ABCB5: variants seen among roughly 807,000 people sequenced by gnomAD.
The protein encoded by ABCB5 is ATP binding cassette subfamily B member 5.
In ABCB5, 155 loss-of-function variants were observed where a neutral mutation model predicts 144.2. The ratio of observed to expected loss-of-function variants is 1.08; its 90% CI spans 0.94 to 1.23. ABCB5 has a LOEUF of 1.23. Among genes scored for constraint, ABCB5 ranks in the 50% most tolerant of loss-of-function variants. The probability of loss-of-function intolerance (pLI) is 0.00; values close to 1 mark genes in which losing one functional copy is unlikely to be tolerated. For missense variants in ABCB5, 1,830 were observed against 1,520.8 expected, an observed-to-expected ratio of 1.20 and a Z score of -3.38; for synonymous variants, 610 against 528.6, an observed-to-expected ratio of 1.15 and a Z score of -2.11.
At chr7:20,711,849 CTTTCTTTCTTT>C (rs1787072698) in intron 20 of ABCB5, among the ~76,000 whole-genome samples, 1 of 60,734 alleles carries the variant, frequency 1.6e-5, no homozygotes, top group African/African-American at 6.7e-5. Flanking sequence ...TCTTTCTTTT[CTTTCTTTCTTT>C]CCTTCCTCCC....
intron 27 of ABCB5, among the ~76,000 whole-genome samples, chr7:20,754,947 A>G (rs929156231): frequency 1.3e-5 from 2 of 151,872 alleles, no homozygotes; most frequent in African/African-American, 4.8e-5. Flanking sequence ...ATCTGTAGCT[A>G]ATCTTTCTTT....
chr7:20,650,531 A>G (rs1401613648), intron 12 of ABCB5, among the ~76,000 whole-genome samples: 1 of 152,018 alleles, frequency 6.6e-6, no homozygotes, highest in Admixed American at 6.6e-5. Context: ...AGTTTGTTCC[A>G]GAAGAATGAT....
intron 21 of ABCB5, among the ~76,000 whole-genome samples, chr7:20,725,981 A>C (rs1178272803): frequency 1.3e-5 from 2 of 152,178 alleles, no homozygotes; most frequent in African/African-American, 4.8e-5. Context: ...CCAAGTGTCT[A>C]CCTGGTCTTC....
chr7:20,691,635 G>C (rs1390211952), intron 16 of ABCB5, among the ~76,000 whole-genome samples: 4 of 134,524 alleles, frequency 3.0e-5, no homozygotes, highest in African/African-American at 8.3e-5. Flanking sequence ...GAAGTTTTAG[G>C]GTACATGTGC....
At position 20,665,724 on chromosome 7, in the gene ABCB5, A is replaced by AAGATTAGAT. The variant is rs1785155711; in HGVS notation, c.1707+7052_1707+7053insTAGATAGAT. The stretch of plus-strand genomic sequence containing the variant: ...TTTATCTGGATGAGATAGAGATGGA[A>AAGATTAGAT]AGATAGATAGATAGATAGATAGATA... On this transcript the variant is annotated intron_variant, in intron 14 of 27. Coordinates refer to ENST00000404938, the MANE Select transcript of ABCB5 (RefSeq NM_001163941.2). Among the ~76,000 whole-genome samples, 3 of 134,592 alleles carry AAGATTAGAT rather than the reference A, an allele frequency of 2.2e-5. No individual in the cohort carries two copies. The South Asian group carries it at 8.0e-4, about 36-fold the overall frequency. The allele number at this position is 134,592 out of a possible 152,430, so 88.3% of individuals were successfully genotyped here.
At chr7:20,661,691 C>G (rs1400539821) in intron 14 of ABCB5, among the ~76,000 whole-genome samples, 2 of 151,764 alleles carry the variant, frequency 1.3e-5, no homozygotes, top group Admixed American at 6.6e-5. Flanking sequence ...CGCACCACCA[C>G]GCCCAGCTAA....
At chr7:20,659,372 T>C in intron 14 of ABCB5, 2 of 1,256,100 alleles carry the variant, frequency 1.6e-6, no homozygotes, top group African/African-American at 3.1e-5. Context: ...TTACTTTGCA[T>C]TTGCTTGGAA....
rs1322638437 is a variant in ABCB5 at position 20,628,838 on chromosome 7, A to G, written c.259A>G (p.Thr87Ala). The part of the protein sequence containing the change: ...ISGCLVQTNT[T>A]NYQNCTQSQE... ...TGGATGTCTAGTCCAAACTAACACA[A>G]GTGAGTATACGATTATTTTTCTGTA... Residue 87 changes from threonine to alanine, a missense_variant and splice_region_variant, in exon 4 of 28, where the codon ACA becomes GCA. Transcript: ENST00000404938. 5 of 1,613,332 alleles carry G rather than the reference A, an allele frequency of 3.1e-6. No individual in the cohort carries two copies. In the African/African-American group the frequency reaches 5.3e-5, roughly 17 times the overall value.
At chr7:20,740,074 A>T (rs1782513622) in intron 24 of ABCB5, among the ~76,000 whole-genome samples, 1 of 152,100 alleles carries the variant, frequency 6.6e-6, no homozygotes, top group Non-Finnish European at 1.5e-5. Flanking sequence ...TACTAAAAAT[A>T]AAAAAATTAA....
In ABCB5 at chr7:20,709,853, G is replaced by A. The variant is rs541171800; in HGVS notation, c.2421+5046G>A. 3.6e-4 allele frequency among the ~76,000 whole-genome samples: 53 copies of A among 148,872 alleles called. 3 individuals carry two copies. In the South Asian group the frequency reaches 0.011, roughly 32 times the overall value. On this transcript the variant is annotated intron_variant, in intron 20 of 27. Coordinates refer to ENST00000404938, the MANE Select transcript of ABCB5 (RefSeq NM_001163941.2). ...CGCAGCACTCTGGGAGGACAAGGTGGGCGGATCACCTGAGGTGTTAGACAC... is the reference window on the plus strand; with the variant it reads ...CGCAGCACTCTGGGAGGACAAGGTGAGCGGATCACCTGAGGTGTTAGACAC...
At chr7:20,726,631 T>A (rs758163786) in intron 21 of ABCB5, among the ~76,000 whole-genome samples, 1 of 152,172 alleles carries the variant, frequency 6.6e-6, no homozygotes, top group African/African-American at 2.4e-5. Context: ...CCTCCCAAAG[T>A]ACTGGGATTA....
Position 20,643,450 on chromosome 7 carries a change from G to C in ABCB5, c.507-11G>C. 6.2e-7 allele frequency: 1 copy of C among 1,613,860 alleles called. No individual in the cohort carries two copies. Among genetic ancestry groups the C allele is most frequent in the Non-Finnish European group, 8.5e-7 (1 of 1,179,766 alleles). ...GTAAATGACCTAACTACATTTATTT[G>C]CTTGTTTCAGTGACATTGACAAAAT... On this transcript the variant is annotated splice_polypyrimidine_tract_variant and intron_variant, in intron 6 of 27. Transcript: ENST00000404938.
At chr7:20,735,302 T>A (rs1233925245) in intron 23 of ABCB5, among the ~76,000 whole-genome samples, 1 of 152,210 alleles carries the variant, frequency 6.6e-6, no homozygotes, top group African/African-American at 2.4e-5. Flanking sequence ...AATAATGTGA[T>A]TATTGGCCAA....
At position 20,635,380 on chromosome 7, in the gene ABCB5, A is replaced by T. The variant is rs963490463; in HGVS notation, c.314+3267A>T. Among the ~76,000 whole-genome samples, 157 of 125,300 alleles carry T rather than the reference A, an allele frequency of 1.3e-3. 1 individual carries two copies. Among genetic ancestry groups the T allele is most frequent in the African/African-American group, 4.9e-3 (153 of 31,186 alleles). The allele number at this position is 125,300 out of a possible 152,430, so 82.2% of individuals were successfully genotyped here. On this transcript the variant is annotated intron_variant, in intron 5 of 27. Coordinates refer to ENST00000404938, the MANE Select transcript of ABCB5 (RefSeq NM_001163941.2). Reference sequence around the variant, plus strand: ...CTTTCTGCTTATAGTTGTTTTGGTTATAAAGGCTTTTTTTTTTTTTGGTTG... The same window carrying T: ...CTTTCTGCTTATAGTTGTTTTGGTTTTAAAGGCTTTTTTTTTTTTTGGTTG...
intron 14 of ABCB5, among the ~76,000 whole-genome samples, chr7:20,681,000 TTCTTTCTTTC>T (rs1431707910): frequency 1.4e-4 from 1 of 7,076 alleles, no homozygotes; most frequent in East Asian, 6.5e-3. Flanking sequence ...CTTTCTTTCT[TTCTTTCTTTC>T]TTTCTTTCTT....
intron 4 of ABCB5, 88 bp downstream of exon 4, chr7:20,628,926 T>G (rs1052607207): frequency 7.0e-7 from 1 of 1,425,692 alleles, no homozygotes; most frequent in Non-Finnish European, 9.6e-7. Context: ...GGCAGATTAT[T>G]GTATTGTAAA....
chr7:20,659,323 C>G (rs1784921075), intron 14 of ABCB5: 1 of 1,400,998 alleles, frequency 7.1e-7, no homozygotes, highest in South Asian at 1.7e-5. Context: ...CCTTATAAAC[C>G]AGAGCCTTCA....
At chr7:20,688,231 TAAAC>T (rs1259471930) in intron 16 of ABCB5, among the ~76,000 whole-genome samples, 2 of 151,614 alleles carry the variant, frequency 1.3e-5, no homozygotes, top group African/African-American at 2.4e-5. Flanking sequence ...TAAAATAAAA[TAAAC>T]AAAGATCAAT....
intron 11 of ABCB5, among the ~76,000 whole-genome samples, chr7:20,648,672 G>A (rs1784488714): frequency 6.6e-6 from 1 of 152,138 alleles, no homozygotes; most frequent in South Asian, 2.1e-4. Flanking sequence ...TGCACAAGGC[G>A]ATTACTAATA....
Sources: allele counts gnomAD v4.1 joint callset (sites outside exome capture counted in the v4.1 genomes callset), GRCh38; gene constraint gnomAD v4.1.1; transcripts MANE v1.5; gene names NCBI Gene and HGNC (gene_info 2026-07-23, HGNC 2026-07-21).